SELP: variants seen among roughly 807,000 people sequenced by gnomAD.
The protein encoded by SELP is P-selectin.
SELP carries 92 observed loss-of-function variants against 104.1 expected under a neutral mutation model. That is an observed-to-expected ratio of 0.88 (90% CI 0.75 to 1.05). The LOEUF (loss-of-function observed/expected upper bound fraction) is 1.05, where lower values mean the gene tolerates loss of function less well. Ranked by LOEUF, SELP falls within the 50% of genes least tolerant of loss-of-function variation. SELP has a pLI of 0.00. For missense variants in SELP, 1,022 were observed against 1,017.3 expected (o/e 1.00, Z -0.06); for synonymous variants, 397 against 364.5 (o/e 1.09, Z -1.01).
At chr1:169,624,240 T>C (rs530005435) in intron 1 of SELP, among the ~76,000 whole-genome samples, 1 of 152,306 alleles carries the variant, frequency 6.6e-6, no homozygotes, top group Admixed American at 6.5e-5. Flanking sequence ...GTCTGCAGGA[T>C]GCTGCTCTGT....
At chr1:169,617,900 C>T (rs1229374149) in intron 2 of SELP, among the ~76,000 whole-genome samples, 1 of 152,196 alleles carries the variant, frequency 6.6e-6, no homozygotes, top group Non-Finnish European at 1.5e-5. Flanking sequence ...AACAGAATTC[C>T]TACTTCCTTG....
At chr1:169,620,949 C>CTGTG (rs57455285) in intron 1 of SELP, among the ~76,000 whole-genome samples, 8,498 of 76,452 alleles carry the variant, frequency 0.11, 509 homozygotes, top group Non-Finnish European at 0.13. Context: ...GTGTGGGGTT[C>CTGTG]TGTGTGTGTG....
At chr1:169,621,627 A>G (rs1424521770) in intron 1 of SELP, among the ~76,000 whole-genome samples, 1 of 152,182 alleles carries the variant, frequency 6.6e-6, no homozygotes, top group Non-Finnish European at 1.5e-5. Context: ...AACTCAAACC[A>G]GTTAATGTGT....
intron 1 of SELP, 118 bp downstream of exon 1, chr1:169,629,954 A>C (rs1261559458): frequency 7.6e-7 from 1 of 1,321,546 alleles, no homozygotes; most frequent in Non-Finnish European, 1.1e-6. Flanking sequence ...AGGCAATTCA[A>C]CATAAAACTC....
intron 7 of SELP, among the ~76,000 whole-genome samples, chr1:169,611,272 C>T (rs3917733): frequency 0.19 from 29,525 of 152,088 alleles, 3,559 homozygotes; most frequent in Middle Eastern, 0.3. Context: ...TTTATACATG[C>T]TATTTAATTG....
intron 3 of SELP, 62 bp downstream of exon 3, chr1:169,616,960 TTGGCCA>T: frequency 7.3e-7 from 1 of 1,369,914 alleles, no homozygotes; most frequent in South Asian, 2.1e-5. Flanking sequence ...GGTGGTTATG[TTGGCCA>T]ACCAGAGAAG....
rs761957913 is a variant in SELP at position 169,609,552 on chromosome 1, G to A, written c.1285C>T (p.Arg429Trp). The change falls in exon 8 of 17, where the codon CGG (arginine) becomes TGG (tryptophan). Residue 429 changes from arginine to tryptophan, a missense_variant. Transcript: ENST00000263686. ...GTCCACTGTCCCAAGTTATCACACC[G>A]AACTATATCGGCTCCTCTCAGCATG... is the stretch of plus-strand genomic sequence containing the variant. ...GFMLRGADIV[R>W]CDNLGQWTAP... The A allele has an allele frequency of 1.2e-5, 20 of 1,613,984 alleles. No individual in the cohort carries two copies. The highest frequency in any genetic ancestry group is 3.3e-5 in the South Asian group (3 of 91,078).
intron 14 of SELP, among the ~76,000 whole-genome samples, chr1:169,593,038 C>T (rs1169461532): frequency 6.6e-6 from 1 of 152,156 alleles, no homozygotes; most frequent in African/African-American, 2.4e-5. Flanking sequence ...GTTTAGGCAT[C>T]CCTAGTCTAT....
At chr1:169,597,646 C>T (rs1229416852) in intron 10 of SELP, among the ~76,000 whole-genome samples, 1 of 152,194 alleles carries the variant, frequency 6.6e-6, no homozygotes, top group East Asian at 1.9e-4. Context: ...CTGCCTCAAA[C>T]TATTTCTTCC....
intron 9 of SELP, among the ~76,000 whole-genome samples, chr1:169,604,276 TTGCC>T (rs1662070913): frequency 6.6e-6 from 1 of 152,110 alleles, no homozygotes; most frequent in Non-Finnish European, 1.5e-5. Context: ...TTCATATCCT[TTGCC>T]CACTTTTTGA....
intron 1 of SELP, among the ~76,000 whole-genome samples, chr1:169,619,765 T>C (rs993939746): frequency 2.0e-5 from 3 of 152,172 alleles, no homozygotes; most frequent in Admixed American, 6.5e-5. Context: ...TACAATACTA[T>C]TCAATGTTTA....
intron 3 of SELP, among the ~76,000 whole-genome samples, chr1:169,614,978 G>A (rs1662735208): frequency 6.6e-6 from 1 of 152,076 alleles, no homozygotes; most frequent in Non-Finnish European, 1.5e-5. Context: ...CCCAATTATA[G>A]CTTCCTTGGG....
intron 10 of SELP, among the ~76,000 whole-genome samples, chr1:169,597,721 A>G (rs759083549): frequency 2.0e-5 from 3 of 152,162 alleles, no homozygotes; most frequent in Non-Finnish European, 4.4e-5. Context: ...ACCCATCCAG[A>G]TAACACAGGA....
At chr1:169,615,144 G>A (rs564365426) in intron 3 of SELP, among the ~76,000 whole-genome samples, 9 of 152,166 alleles carry the variant, frequency 5.9e-5, no homozygotes, top group East Asian at 1.9e-4. Flanking sequence ...ATCTTTTTTC[G>A]ATAGCCTGCT....
rs974113784 is a variant in SELP at position 169,611,093 on chromosome 1, C to A, written c.1147+399G>T. The stretch of plus-strand genomic sequence containing the variant: ...CCTGGGATTGCATCACACACTTTTT[C>A]GATGCAGTGTTCCTTCCTTTGCTTC... On this transcript the variant is annotated intron_variant, in intron 7 of 16. Transcript: ENST00000263686. Among the ~76,000 whole-genome samples the A allele has an allele frequency of 2.0e-5, 3 of 152,056 alleles. No homozygotes were observed. The South Asian group carries it at 6.2e-4, about 31-fold the overall frequency.
In SELP at chr1:169,602,953, A is replaced by G. The variant is rs772717208; in HGVS notation, c.1705+73T>C. 12 of 1,338,296 alleles carry G rather than the reference A, an allele frequency of 9.0e-6. No homozygotes were observed. The African/African-American group carries it at 1.7e-4, about 19-fold the overall frequency. 82.9% of individuals were successfully genotyped at this position (1,338,296 alleles called of 1,614,324 possible). ...TGCTTCAGCTCAAGAACACTTTTAT[A>G]TAAATCCCTGATGATTCTCCATTCT... On this transcript the variant is annotated intron_variant, in intron 10 of 16. Transcript: ENST00000263686.
At chr1:169,625,294 G>T (rs888941463) in intron 1 of SELP, among the ~76,000 whole-genome samples, 20 of 152,152 alleles carry the variant, frequency 1.3e-4, no homozygotes, top group South Asian at 2.1e-4. Context: ...TAATGTTTGA[G>T]AAACTTTTCT....
intron 8 of SELP, among the ~76,000 whole-genome samples, chr1:169,608,008 C>T (rs1344518409): frequency 6.6e-6 from 1 of 152,074 alleles, no homozygotes; most frequent in Non-Finnish European, 1.5e-5. Flanking sequence ...TGAATAATCC[C>T]TTATGATCCG....
chr1:169,612,353 G>T lies in SELP; in HGVS notation c.825C>A (p.Cys275Ter), dbSNP rs1571657762. The change falls in exon 6 of 17, where the codon TGC becomes TGA. Residue 275 changes from cysteine (C) to a stop codon, truncating the protein, a stop_gained. Transcript: ENST00000263686. LOFTEE classifies it high-confidence loss of function. ...GCTGGAATGCTTTTGCAGAATGAAGGCAGGTCATGTTTCCTCGTTCAGGAA... is the reference window on the plus strand; with the variant it reads ...GCTGGAATGCTTTTGCAGAATGAAGTCAGGTCATGTTTCCTCGTTCAGGAA... ...LKIPERGNMT[C>*]LHSAKAFQHQ... 1 of 1,614,114 alleles carries T rather than the reference G, an allele frequency of 6.2e-7. No individual in the cohort carries two copies. Among genetic ancestry groups the T allele is most frequent in the Non-Finnish European group, 8.5e-7 (1 of 1,180,006 alleles).
Sources: gnomAD v4.1 joint callset for allele counts (sites outside exome capture counted in the v4.1 genomes callset) on GRCh38, gnomAD v4.1.1 for gene constraint, MANE v1.5 for transcripts, NCBI Gene and HGNC (gene_info 2026-07-23, HGNC 2026-07-21) for gene names.